ZNF282: variants seen among roughly 807,000 people sequenced by gnomAD.
ZNF282 encodes the protein zinc finger protein 282, also known as HTLV-I U5 repressive element-binding protein 1.
A neutral mutation model predicts 61.9 loss-of-function variants in ZNF282; 30 were observed. That is an observed-to-expected ratio of 0.48 (90% CI 0.36 to 0.66). The LOEUF is 0.66. Among genes scored for constraint, ZNF282 ranks in the 30% least tolerant of loss-of-function variants. The probability of loss-of-function intolerance (pLI) is 0.00; values close to 1 mark genes in which losing one functional copy is unlikely to be tolerated. For synonymous variants in ZNF282, 396 were observed against 405.0 expected (o/e 0.98, Z 0.27); for missense variants, 788 against 941.4 (o/e 0.84, Z 2.13).
chr7:149,214,426 G>C (rs1207229565), intron 7 of ZNF282, among the ~76,000 whole-genome samples: 1 of 152,090 alleles, frequency 6.6e-6, no homozygotes, highest in Non-Finnish European at 1.5e-5. Flanking sequence ...AGGGGGGAAG[G>C]CACAATTTAA....
chr7:149,196,854 C>CTGTGTCCCGGAGCAGG (rs2129522917), intron 1 of ZNF282, among the ~76,000 whole-genome samples: 1 of 152,294 alleles, frequency 6.6e-6, no homozygotes, highest in South Asian at 2.1e-4. Context: ...CTCCACTCTG[C>CTGTGTCCCGGAGCAGG]TGTGTCCCGG....
rs1196327677 is a variant in ZNF282, at chr7:149,224,426, G to A, written c.1795G>A (p.Glu599Lys). The stretch of plus-strand genomic sequence containing the variant: ...GAACCACCAGCGGCTGCACACGGGC[G>A]AGCGGCCTTTCCAATGTGCACTGTG... ...LQNHQRLHTG[E>K]RPFQCALCGK... Residue 599 changes from glutamate to lysine, a missense_variant, in exon 8 of 8, where the codon GAG (glutamate) becomes AAG (lysine). Physicochemically the swap from Glu to Lys is moderately conservative, Grantham distance 56 (BLOSUM62 1). This residue lies in a region of ZNF282 where 559 missense variants were observed against 642.0 expected (regional missense o/e 0.87). Transcript: ENST00000610704. 6.2e-7 allele frequency: 1 copy of A among 1,613,886 alleles called. No homozygotes were observed. Among genetic ancestry groups the A allele is most frequent in the Non-Finnish European group, 8.5e-7 (1 of 1,179,934 alleles).
Position 149,223,950 on chromosome 7 carries a change from G to T in ZNF282, c.1319G>T (p.Gly440Val). ...LPPIAVAENP[G>V]GPPSRGLLDD... Reference sequence around the variant, plus strand: ...CCCATCGCGGTGGCCGAGAACCCGGGCGGCCCCCCGAGCCGAGGGCTGCTG... The same window carrying T: ...CCCATCGCGGTGGCCGAGAACCCGGTCGGCCCCCCGAGCCGAGGGCTGCTG... Residue 440 changes from glycine to valine, a missense_variant, in exon 8 of 8, where the codon GGC becomes GTC. Gly to Val is a moderately radical substitution (Grantham distance 109, BLOSUM62 -3). Coordinates refer to ENST00000610704, the MANE Select transcript of ZNF282 (RefSeq NM_003575.4). 1 of 1,309,100 alleles carries T rather than the reference G, an allele frequency of 7.6e-7. No homozygotes were observed. The highest frequency in any genetic ancestry group is 2.1e-5 in the South Asian group (1 of 46,840). 81.1% of individuals were successfully genotyped at this position (1,309,100 alleles called of 1,614,324 possible).
At chr7:149,213,999 C>A (rs535556422) in intron 7 of ZNF282, among the ~76,000 whole-genome samples, 185 bp downstream of exon 7, 2 of 152,254 alleles carry the variant, frequency 1.3e-5, no homozygotes, top group South Asian at 4.1e-4. Context: ...GTATTAGCTC[C>A]CCAGGACTGT....
intron 7 of ZNF282, among the ~76,000 whole-genome samples, chr7:149,217,626 G>A (rs1206936129): frequency 4.9e-5 from 5 of 102,350 alleles, no homozygotes; most frequent in African/African-American, 1.3e-4. Flanking sequence ...GAATAAGCAG[G>A]CCAGCAAGCA....
At chr7:149,202,268 C>T (rs892628001) in intron 2 of ZNF282, among the ~76,000 whole-genome samples, 1 of 151,536 alleles carries the variant, frequency 6.6e-6, no homozygotes, top group Non-Finnish European at 1.5e-5. Flanking sequence ...CCTCAGCCTC[C>T]CGAGTAGCTG....
chr7:149,207,972 A>T (rs901066074), intron 4 of ZNF282, among the ~76,000 whole-genome samples: 2 of 152,194 alleles, frequency 1.3e-5, no homozygotes, highest in African/African-American at 4.8e-5. Flanking sequence ...GCCTGAGGAA[A>T]TCGGGCCCCC....
Position 149,203,610 on chromosome 7 carries a change from G to T in ZNF282, c.586-3086G>T, listed in dbSNP as rs147159957. 3.9e-5 allele frequency among the ~76,000 whole-genome samples: 6 copies of T among 152,326 alleles called. No homozygotes were observed. In the South Asian group the frequency reaches 1.2e-3, roughly 32 times the overall value. ...GGGCTCAAGCAGTCTTCCTGCCTTG[G>T]CTTCCCAAAGTGCTGGGATTATAGG... On this transcript the variant is annotated intron_variant, in intron 2 of 7. Transcript: ENST00000610704.
At chr7:149,221,455 C>G (rs1356999536) in intron 7 of ZNF282, among the ~76,000 whole-genome samples, 3 of 152,170 alleles carry the variant, frequency 2.0e-5, no homozygotes, top group Admixed American at 6.5e-5. Flanking sequence ...GTAGGACTGC[C>G]TTAGGTGGGC....
At position 149,198,678 on chromosome 7, in the gene ZNF282, T is replaced by G. The variant is rs1165549088; in HGVS notation, c.511T>G (p.Leu171Val). The G allele has an allele frequency of 1.9e-6, 3 of 1,613,750 alleles. No individual in the cohort carries two copies. In the East Asian group the frequency reaches 6.7e-5, roughly 36 times the overall value. ...GCTGCTGCAGAGGCGGCTGGAGAAC[T>G]TGGAGAACTTGCTGCGCAACAGGAA... The part of the protein sequence containing the change: ...YGLLQRRLEN[L>V]ENLLRNRNFW... The change falls in exon 2 of 8, where the codon TTG (leucine) becomes GTG (valine). Residue 171 changes from leucine (L) to valine (V), a missense_variant. Leu to Val is a conservative substitution (Grantham distance 32). Around this residue, in one of 3 missense-constraint regions of ZNF282, gnomAD observed 92 missense variants for 163.9 expected, o/e 0.56. Coordinates refer to ENST00000610704, the MANE Select transcript of ZNF282 (RefSeq NM_003575.4). This position sits in a 1 kb window ranked among gnomAD's most constrained non-coding sequence, Gnocchi z 4.3.
Position 149,207,537 on chromosome 7 carries a change from A to G in ZNF282, c.832+67A>G, listed in dbSNP as rs960564736. ...AGAGAGGACAGCCGGCTTTCCGCAC[A>G]CTGCTGCCGCGAGGCGCCACTGTGT... On this transcript the variant is annotated intron_variant, in intron 4 of 7. Transcript: ENST00000610704. 2.0e-4 allele frequency: 314 copies of G among 1,539,378 alleles called. 3 individuals carry two copies. The highest frequency in any genetic ancestry group is 4.8e-5 in the South Asian group (4 of 82,506).
At chr7:149,223,069 G>A (rs551271956) in intron 7 of ZNF282, among the ~76,000 whole-genome samples, 7 of 152,168 alleles carry the variant, frequency 4.6e-5, no homozygotes, top group Admixed American at 3.9e-4. Context: ...CTGCCTCCCC[G>A]GTTCAAGTGA....
At chr7:149,216,101 T>G (rs1390625807) in intron 7 of ZNF282, among the ~76,000 whole-genome samples, 1 of 152,136 alleles carries the variant, frequency 6.6e-6, no homozygotes. Context: ...TGTTTTATCT[T>G]TTTTTTGTTT....
At chr7:149,199,417 A>AC (rs923244701) in intron 2 of ZNF282, among the ~76,000 whole-genome samples, 2 of 150,452 alleles carry the variant, frequency 1.3e-5, no homozygotes, top group African/African-American at 4.9e-5. Flanking sequence ...CCAGGAGGTC[A>AC]CCCCCAGCGT....
At chr7:149,203,284 A>C (rs1795944096) in intron 2 of ZNF282, among the ~76,000 whole-genome samples, 1 of 152,204 alleles carries the variant, frequency 6.6e-6, no homozygotes, top group African/African-American at 2.4e-5. Context: ...GCTCTTACAG[A>C]ATAATGAAAT....
At chr7:149,201,146 C>T (rs180733873) in intron 2 of ZNF282, among the ~76,000 whole-genome samples, 1 of 152,348 alleles carries the variant, frequency 6.6e-6, no homozygotes, top group African/African-American at 2.4e-5. Flanking sequence ...TGGTTCCATC[C>T]TTTCAAGTGC....
chr7:149,217,997 G>T (rs1042210893), intron 7 of ZNF282, among the ~76,000 whole-genome samples: 3 of 151,516 alleles, frequency 2.0e-5, no homozygotes, highest in Non-Finnish European at 2.9e-5. Flanking sequence ...AATCCCAGCT[G>T]CTCGGGAGGC....
intron 2 of ZNF282, among the ~76,000 whole-genome samples, chr7:149,203,051 C>T (rs943520051): frequency 2.6e-5 from 4 of 152,302 alleles, no homozygotes; most frequent in South Asian, 4.1e-4. Context: ...GAGTTGTAAT[C>T]GTGGCTCTGG....
At chr7:149,201,417 A>T (rs762045098) in intron 2 of ZNF282, among the ~76,000 whole-genome samples, 1 of 152,118 alleles carries the variant, frequency 6.6e-6, no homozygotes, top group Non-Finnish European at 1.5e-5. Context: ...AGCCAGAGTG[A>T]TCCTTTGAAA....
Sources: allele counts gnomAD v4.1 joint callset (sites outside exome capture counted in the v4.1 genomes callset), GRCh38; gene constraint gnomAD v4.1.1; regional missense constraint gnomAD v4.1.1; non-coding constraint Gnocchi (gnomAD v3.1); transcripts MANE v1.5; gene names NCBI Gene and HGNC (gene_info 2026-07-23, HGNC 2026-07-21).